Variants in SHB observed in about 807,000 individuals in gnomAD.
SHB encodes the protein SH2 domain-containing adapter protein B.
SHB carries 20 observed loss-of-function variants against 52.3 expected under a neutral mutation model. The ratio of observed to expected loss-of-function variants is 0.38; its 90% confidence interval spans 0.27 to 0.56. The LOEUF (loss-of-function observed/expected upper bound fraction) is 0.56, where lower values mean the gene tolerates loss of function less well. SHB is among the 20% of genes least tolerant of loss of function. The pLI is 0.71. For missense variants in SHB, 825 were observed against 723.3 expected (o/e 1.14, Z -1.61); for synonymous variants, 397 against 316.5 (o/e 1.25, Z -2.70).
intron 1 of SHB, among the ~76,000 whole-genome samples, chr9:38,035,602 C>A (rs1376499105): frequency 2.0e-5 from 3 of 152,136 alleles, no homozygotes; most frequent in Admixed American, 1.3e-4. Flanking sequence ...TCCTGAAGTT[C>A]AGCAATGCCC....
At chr9:37,983,650 G>C (rs937012397) in intron 2 of SHB, among the ~76,000 whole-genome samples, 2 of 152,212 alleles carry the variant, frequency 1.3e-5, no homozygotes, top group Non-Finnish European at 2.9e-5. Flanking sequence ...AGGTAGAGTT[G>C]TATGGCTCTC....
At chr9:38,038,510 T>C (rs1240864516) in intron 1 of SHB, among the ~76,000 whole-genome samples, 4 of 152,212 alleles carry the variant, frequency 2.6e-5, no homozygotes, top group Non-Finnish European at 4.4e-5. Flanking sequence ...CTGAGTCTAA[T>C]GCAGGGCCTG....
chr9:37,958,816 G>T (rs1265307913), intron 3 of SHB, among the ~76,000 whole-genome samples: 1 of 152,200 alleles, frequency 6.6e-6, no homozygotes, highest in East Asian at 1.9e-4. Flanking sequence ...CTGAATGACG[G>T]CACCCTGATG....
At chr9:38,065,273 G>A (rs1027131014) in intron 1 of SHB, among the ~76,000 whole-genome samples, 7 of 152,148 alleles carry the variant, frequency 4.6e-5, no homozygotes, top group African/African-American at 1.7e-4. Flanking sequence ...GAGGTGGAGG[G>A]GTGCTGGCCC....
intron 5 of SHB, among the ~76,000 whole-genome samples, chr9:37,924,130 C>CT (rs1488859304): frequency 2.0e-5 from 3 of 152,196 alleles, no homozygotes; most frequent in Non-Finnish European, 4.4e-5. Context: ...GGTGGGTGAC[C>CT]TGTCTAATGA....
intron 1 of SHB, among the ~76,000 whole-genome samples, chr9:38,043,010 C>T (rs956733461): frequency 1.3e-5 from 2 of 152,196 alleles, no homozygotes; most frequent in African/African-American, 4.8e-5. Context: ...ACCTTTCTCA[C>T]CAGACCCAAC....
chr9:38,007,198 A>T (rs1322648373), intron 2 of SHB, among the ~76,000 whole-genome samples: 2 of 152,230 alleles, frequency 1.3e-5, no homozygotes, highest in African/African-American at 4.8e-5. Context: ...AGGCCCTGTG[A>T]CTTCAAGCAA....
intron 5 of SHB, among the ~76,000 whole-genome samples, chr9:37,925,149 C>T (rs1419501404): frequency 6.6e-6 from 1 of 152,248 alleles, no homozygotes; most frequent in Non-Finnish European, 1.5e-5. Flanking sequence ...TCCATCCATC[C>T]ACCCGCCCAC....
chr9:37,947,634 G>A (rs1461972912), intron 5 of SHB, among the ~76,000 whole-genome samples: 1 of 152,216 alleles, frequency 6.6e-6, no homozygotes, highest in East Asian at 1.9e-4. Flanking sequence ...AAGTTGTGGG[G>A]GGAGGGGTCA....
intron 1 of SHB, among the ~76,000 whole-genome samples, chr9:38,054,377 C>T (rs1426190294): frequency 6.6e-6 from 1 of 152,262 alleles, no homozygotes; most frequent in Admixed American, 6.5e-5. Flanking sequence ...CCACTCCTGA[C>T]AGCTCCTTTG....
chr9:37,950,263 CT>C (rs111494758), intron 4 of SHB, among the ~76,000 whole-genome samples: 299 of 144,044 alleles, frequency 2.1e-3, no homozygotes, highest in Middle Eastern at 7.0e-3. Flanking sequence ...TGTGTGTTTC[CT>C]TTTTTTTTTT....
At chr9:38,032,945 A>C (rs765481612) in intron 1 of SHB, among the ~76,000 whole-genome samples, 3 of 152,206 alleles carry the variant, frequency 2.0e-5, no homozygotes, top group Non-Finnish European at 4.4e-5. Flanking sequence ...TACTGGGCCC[A>C]GTATGCACTA....
intron 1 of SHB, among the ~76,000 whole-genome samples, chr9:38,063,699 C>T (rs2118198785): frequency 6.6e-6 from 1 of 152,262 alleles, no homozygotes; most frequent in East Asian, 1.9e-4. Flanking sequence ...TATTCAACTG[C>T]AAACTGAGAA....
chr9:37,967,708 C>A (rs772512230), intron 3 of SHB, among the ~76,000 whole-genome samples: 6 of 152,250 alleles, frequency 3.9e-5, no homozygotes, highest in Non-Finnish European at 8.8e-5. Context: ...TGCCTCACCC[C>A]GGATCTACCG....
At position 37,974,846 on chromosome 9, in the gene SHB, A is replaced by C. The variant is rs1331752897; in HGVS notation, c.839-9T>G. 1.2e-6 allele frequency: 2 copies of C among 1,610,568 alleles called. No homozygotes were observed. Among genetic ancestry groups the C allele is most frequent in the Admixed American group, 1.7e-5 (1 of 59,996 alleles). On this transcript the variant is annotated splice_polypyrimidine_tract_variant and intron_variant, in intron 2 of 5. Transcript: ENST00000377707. ...TTCCTGCCTCTGAAATTCTGCAGGC[A>C]AAAAGGAAGGAAGCAGAGATGAAAT...
intron 1 of SHB, among the ~76,000 whole-genome samples, chr9:38,050,367 C>T (rs1318586892): frequency 6.6e-6 from 1 of 152,202 alleles, no homozygotes; most frequent in Non-Finnish European, 1.5e-5. Flanking sequence ...CTAATTTGCT[C>T]ACTCTGAATT....
intron 5 of SHB, among the ~76,000 whole-genome samples, chr9:37,945,404 T>A (rs563005829): frequency 1.3e-5 from 2 of 152,324 alleles, no homozygotes; most frequent in East Asian, 3.9e-4. Flanking sequence ...AACCAGCAGC[T>A]GGACTGGCCA....
At chr9:37,927,699 C>T (rs1331561664) in intron 5 of SHB, among the ~76,000 whole-genome samples, 1 of 152,158 alleles carries the variant, frequency 6.6e-6, no homozygotes, top group Non-Finnish European at 1.5e-5. Flanking sequence ...AGCGCTCAGA[C>T]TGAGGGAGTA....
In SHB at chr9:38,058,230, G is replaced by A. The variant is rs554609067; in HGVS notation, c.717+9699C>T. Among the ~76,000 whole-genome samples the A allele has an allele frequency of 6.6e-5, 10 of 152,278 alleles. 1 individual carries two copies. In the South Asian group the frequency reaches 1.2e-3, roughly 19 times the overall value. The stretch of plus-strand genomic sequence containing the variant: ...TCCCATGAGGCCTCCTCTTCCTGAC[G>A]GTTTTCCCCATTTCCTCCCACAGAC... On this transcript the variant is annotated intron_variant, in intron 1 of 5. Coordinates refer to ENST00000377707, the MANE Select transcript of SHB (RefSeq NM_003028.3).
Sources: gnomAD v4.1 joint callset for allele counts (sites outside exome capture counted in the v4.1 genomes callset) on GRCh38, gnomAD v4.1.1 for gene constraint, MANE v1.5 for transcripts, NCBI Gene and HGNC (gene_info 2026-07-23, HGNC 2026-07-21) for gene names.